Variants in HAPLN2 observed in about 807,000 individuals in gnomAD.
HAPLN2 encodes the protein hyaluronan and proteoglycan link protein 2.
Under a neutral mutation model 29.3 loss-of-function variants are expected in HAPLN2, and 27 were observed. That is an observed-to-expected ratio of 0.92 (90% CI 0.68 to 1.27). HAPLN2 has a LOEUF of 1.27. HAPLN2 is among the 50% of genes most tolerant of loss of function. The pLI, the probability that HAPLN2 is intolerant of heterozygous loss-of-function variation, is 0.00. For synonymous variants in HAPLN2, 208 were observed against 211.7 expected, an observed-to-expected ratio of 0.98 and a Z score of 0.15; for missense variants, 454 against 484.3, an observed-to-expected ratio of 0.94 and a Z score of 0.59.
In HAPLN2 at chr1:156,624,130, G is replaced by C; in HGVS notation, c.409G>C (p.Glu137Gln). The part of the protein sequence containing the change: ...RCELINGIED[E>Q]SVALTLSLEG... ...CGAGCTCATCAACGGCATCGAGGAC[G>C]AGAGCGTGGCGCTGACCTTGAGCTT... Residue 137 changes from glutamate to glutamine, a missense_variant, in exon 4 of 7, where the codon GAG (glutamate) becomes CAG (glutamine). By Grantham distance (29) the Glu-to-Gln change is conservative. Around this residue, in one of 3 missense-constraint regions of HAPLN2, gnomAD observed 204 missense variants for 209.2 expected, o/e 0.98. Coordinates refer to ENST00000255039, the MANE Select transcript of HAPLN2 (RefSeq NM_021817.3). 1 of 1,613,578 alleles carries C rather than the reference G, an allele frequency of 6.2e-7. No individual in the cohort carries two copies. Among genetic ancestry groups the C allele is most frequent in the Non-Finnish European group, 8.5e-7 (1 of 1,179,884 alleles).
chr1:156,603,079 G>A, the HAPLN2 span, among the ~76,000 whole-genome samples: 1 of 152,052 alleles, frequency 6.6e-6, no homozygotes, highest in African/African-American at 2.4e-5. Flanking sequence ...CTTAATTACT[G>A]GAATTTTAGA....
rs751136684 is a variant in HAPLN2 at position 156,625,198 on chromosome 1, C to T, written c.837C>T (p.Tyr279=). The T allele has an allele frequency of 1.4e-5, 21 of 1,554,382 alleles. No homozygotes were observed. The highest frequency in any genetic ancestry group is 2.7e-5 in the African/African-American group (2 of 73,366). Residue 279 remains tyrosine (Y), a synonymous_variant, in exon 7 of 7, where the codon TAC becomes TAT. Transcript: ENST00000255039. The surrounding 1 kb of genome is among the most constrained non-coding windows in gnomAD (Gnocchi z 5.7). ...TGGTGGCCAAGGTTGGGCACCTCTACGCCGCCTGGAAGTTTTCGGGGCTAG... is the reference window on the plus strand; with the variant it reads ...TGGTGGCCAAGGTTGGGCACCTCTATGCCGCCTGGAAGTTTTCGGGGCTAG... ...GAVVAKVGHL[Y]AAWKFSGLDQ... is the part of the protein sequence containing the mutation.
rs758085047 is a variant in HAPLN2, at chr1:156,625,065, C to A, written c.740-36C>A. The A allele has an allele frequency of 1.2e-5, 19 of 1,531,472 alleles. 1 individual carries two copies. The Middle Eastern group carries it at 3.0e-3, about 241-fold the overall frequency. 94.9% of individuals were successfully genotyped at this position (1,531,472 alleles called of 1,614,324 possible). A position where few individuals can be genotyped will look rare whatever the true frequency, so the allele number is the denominator to read the frequency against. ...GGTGTCAGCCGCCCCTCTCCGCCCA[C>A]CCTGCCCTCGGTCGGTGACCCGCTG... On this transcript the variant is annotated intron_variant, in intron 6 of 6. Transcript: ENST00000255039. This position sits in a 1 kb window ranked among gnomAD's most constrained non-coding sequence, Gnocchi z 5.7.
intron 3 of HAPLN2, 47 bp downstream of exon 3, chr1:156,623,622 T>A (rs369091064): frequency 6.2e-7 from 1 of 1,610,126 alleles, no homozygotes; most frequent in Non-Finnish European, 8.5e-7. Context: ...TTGGGGAGAC[T>A]GCAAGGGTGG....
the HAPLN2 span, among the ~76,000 whole-genome samples, chr1:156,606,502 T>G: frequency 6.6e-6 from 1 of 150,966 alleles, no homozygotes; most frequent in Non-Finnish European, 1.5e-5. Flanking sequence ...TTTTTTTTTT[T>G]GACAGAGTTT....
the HAPLN2 span, among the ~76,000 whole-genome samples, chr1:156,606,514 T>C: frequency 6.6e-6 from 1 of 151,502 alleles, no homozygotes; most frequent in Non-Finnish European, 1.5e-5. Flanking sequence ...ACAGAGTTTT[T>C]CTGTGTTGCT....
intron 2 of HAPLN2, among the ~76,000 whole-genome samples, chr1:156,623,037 A>AAAATAAAAAAATAAAT (rs1553235327): frequency 9.0e-6 from 1 of 111,424 alleles, no homozygotes; most frequent in Non-Finnish European, 1.8e-5. Flanking sequence ...CTGTCTCAAA[A>AAAATAAAAAAATAAAT]AAATAAATAA....
intron 6 of HAPLN2, 130 bp downstream of exon 6, chr1:156,624,913 G>T (rs937400813): frequency 2.8e-6 from 2 of 703,424 alleles, no homozygotes; most frequent in South Asian, 2.6e-5. Flanking sequence ...CCATCAGCCC[G>T]CCCGCCCGCC....
At chr1:156,621,880 C>G (rs543765409) in intron 2 of HAPLN2, among the ~76,000 whole-genome samples, 2 of 150,322 alleles carry the variant, frequency 1.3e-5, no homozygotes, top group Non-Finnish European at 3.0e-5. Context: ...TTTTTTTTAC[C>G]GGGAGGTGGA....
At chr1:156,607,615 A>G in the HAPLN2 span, among the ~76,000 whole-genome samples, 1 of 152,204 alleles carries the variant, frequency 6.6e-6, no homozygotes, top group East Asian at 1.9e-4. Context: ...ACTGACTACC[A>G]AACCTTGAAT....
the HAPLN2 span, among the ~76,000 whole-genome samples, chr1:156,605,773 A>C: frequency 6.6e-6 from 1 of 152,214 alleles, no homozygotes; most frequent in Non-Finnish European, 1.5e-5. Flanking sequence ...TTGAGAATCC[A>C]GAAATAAACC....
the HAPLN2 span, among the ~76,000 whole-genome samples, chr1:156,604,293 C>CTTTTT: frequency 3.4e-5 from 5 of 147,018 alleles, no homozygotes; most frequent in African/African-American, 5.0e-5. Flanking sequence ...TTGAAGAATT[C>CTTTTT]TTTTTTTTTT....
the HAPLN2 span, among the ~76,000 whole-genome samples, chr1:156,606,793 T>TCTCTTGATACCTGATCA: frequency 6.6e-6 from 1 of 152,014 alleles, no homozygotes; most frequent in African/African-American, 2.4e-5. Context: ...TAAGCCCCCT[T>TCTCTTGATACCTGATCA]CTCTTGATAC....
chr1:156,604,379 A>C, the HAPLN2 span, among the ~76,000 whole-genome samples: 3 of 149,672 alleles, frequency 2.0e-5, no homozygotes, highest in Admixed American at 2.0e-4. Context: ...TGCAACCTCC[A>C]CCTCCTAGGT....
chr1:156,624,909 G>GGGGCC, intron 6 of HAPLN2, 126 bp downstream of exon 6: 5 of 999,464 alleles, frequency 5.0e-6, no homozygotes, highest in Non-Finnish European at 5.5e-6. Flanking sequence ...CCCCCCATCA[G>GGGGCC]CCCGCCCGCC....
the HAPLN2 span, among the ~76,000 whole-genome samples, chr1:156,611,426 G>A: frequency 2.0e-5 from 3 of 152,034 alleles, no homozygotes; most frequent in Non-Finnish European, 4.4e-5. Flanking sequence ...ATAGCCAGGC[G>A]TGGTCATGCG....
the HAPLN2 span, among the ~76,000 whole-genome samples, chr1:156,613,916 C>CAAAAAAAAAAAAAAAAAAAAAAAA: frequency 8.6e-6 from 1 of 115,748 alleles, no homozygotes; most frequent in South Asian, 2.7e-4. Context: ...GATTCCTTCT[C>CAAAAAAAAAAAAAAAAAAAAAAAA]AAAAAAAAAA....
rs1202349259 is a variant in HAPLN2 at position 156,624,487 on chromosome 1, A to G, written c.556+20A>G. On this transcript the variant is annotated intron_variant, in intron 5 of 6. Coordinates refer to ENST00000255039, the MANE Select transcript of HAPLN2 (RefSeq NM_021817.3). ...ACCAGGGTGAGCGGCCGAACCCAGC[A>G]CTTCCCAAGCCCCGCGGAGCTGTCT... The G allele has an allele frequency of 1.9e-6, 3 of 1,610,538 alleles. No individual in the cohort carries two copies. Among genetic ancestry groups the G allele is most frequent in the South Asian group, 2.2e-5 (2 of 90,582 alleles).
At chr1:156,606,317 C>T in the HAPLN2 span, among the ~76,000 whole-genome samples, 3 of 151,640 alleles carry the variant, frequency 2.0e-5, no homozygotes, top group Non-Finnish European at 4.4e-5. Context: ...GCGGCCCACG[C>T]CCATAGTCCC....
Sources: allele counts gnomAD v4.1 joint callset (sites outside exome capture counted in the v4.1 genomes callset), GRCh38; gene constraint gnomAD v4.1.1; regional missense constraint gnomAD v4.1.1; non-coding constraint Gnocchi (gnomAD v3.1); transcripts MANE v1.5; gene names NCBI Gene and HGNC (gene_info 2026-07-23, HGNC 2026-07-21).